The following HS3ST2 variants were observed in gnomAD, a reference collection of about 807,000 sequenced individuals.
HS3ST2 encodes the protein heparan sulfate glucosamine 3-O-sulfotransferase 2.
A neutral mutation model predicts 26.3 loss-of-function variants in HS3ST2; 17 were observed. The ratio of observed to expected loss-of-function variants is 0.65; its 90% confidence interval spans 0.44 to 0.97. HS3ST2 has a LOEUF of 0.97. Ranked by LOEUF, HS3ST2 falls within the 50% of genes least tolerant of loss-of-function variation. The pLI is 0.00. For synonymous variants in HS3ST2, 237 were observed against 219.2 expected (o/e 1.08, Z -0.72); for missense variants, 402 against 501.2 (o/e 0.80, Z 1.89).
intron 1 of HS3ST2, among the ~76,000 whole-genome samples, chr16:22,847,782 GGAA>G (rs1445216026): frequency 6.9e-5 from 10 of 144,678 alleles, no homozygotes; most frequent in African/African-American, 1.3e-4. Flanking sequence ...AAGAGAAAGA[GGAA>G]GAAGAATAAG....
chr16:22,865,188 G>GA (rs199730067), intron 1 of HS3ST2, among the ~76,000 whole-genome samples: 2,277 of 151,782 alleles, frequency 0.015, 21 homozygotes, highest in Non-Finnish European at 0.025. Context: ...TAGTTTTCTA[G>GA]AAAAAAATAT....
Position 22,843,329 on chromosome 16 carries a change from C to T in HS3ST2, c.485+28234C>T, listed in dbSNP as rs907592328. Among the ~76,000 whole-genome samples the T allele has an allele frequency of 3.1e-4, 47 of 152,110 alleles. 1 individual carries two copies. Among genetic ancestry groups the T allele is most frequent in the African/African-American group, 1.1e-3 (44 of 41,420 alleles). Reference sequence around the variant, plus strand: ...TGACTGTCCTCTAATTCAATTCTGACATTATCTACCCAGAAACAGCGTCAG... The same window carrying T: ...TGACTGTCCTCTAATTCAATTCTGATATTATCTACCCAGAAACAGCGTCAG... On this transcript the variant is annotated intron_variant, in intron 1 of 1. Transcript: ENST00000261374.
At chr16:22,834,657 G>GT in intron 1 of HS3ST2, among the ~76,000 whole-genome samples, 1 of 132,686 alleles carries the variant, frequency 7.5e-6, no homozygotes, top group Non-Finnish European at 1.7e-5. Flanking sequence ...GAATTTTGGG[G>GT]TTTGTGGGTA....
intron 1 of HS3ST2, among the ~76,000 whole-genome samples, chr16:22,834,707 C>T (rs1901226583): frequency 8.1e-6 from 1 of 123,754 alleles, no homozygotes; most frequent in African/African-American, 2.8e-5. Flanking sequence ...ATACAAATTA[C>T]CAAGTTTTCC....
intron 1 of HS3ST2, among the ~76,000 whole-genome samples, chr16:22,895,177 C>T (rs1409383947): frequency 6.6e-6 from 1 of 151,824 alleles, no homozygotes; most frequent in African/African-American, 2.4e-5. Flanking sequence ...GCAACCTCCA[C>T]CTCCTGAGTT....
chr16:22,884,758 T>C (rs890257441), intron 1 of HS3ST2, among the ~76,000 whole-genome samples: 2 of 149,560 alleles, frequency 1.3e-5, no homozygotes, highest in Non-Finnish European at 3.0e-5. Context: ...TAGACATCTA[T>C]CTTGACCATC....
intron 1 of HS3ST2, among the ~76,000 whole-genome samples, chr16:22,825,499 T>C (rs1273436703): frequency 6.6e-6 from 1 of 152,040 alleles, no homozygotes; most frequent in Non-Finnish European, 1.5e-5. Flanking sequence ...ATATTAGAGA[T>C]ACAAGGAGAG....
intron 1 of HS3ST2, among the ~76,000 whole-genome samples, chr16:22,849,076 G>C (rs187911607): frequency 1.3e-5 from 2 of 152,034 alleles, no homozygotes; most frequent in Non-Finnish European, 2.9e-5. Flanking sequence ...CTTGTTTTTC[G>C]CATCTAAGAA....
At chr16:22,910,405 A>G (rs1471247183) in intron 1 of HS3ST2, among the ~76,000 whole-genome samples, 1 of 152,208 alleles carries the variant, frequency 6.6e-6, no homozygotes, top group Non-Finnish European at 1.5e-5. Context: ...TGTTACACTT[A>G]TGTAATTTCA....
At chr16:22,824,404 G>T (rs777572139) in intron 1 of HS3ST2, among the ~76,000 whole-genome samples, 2 of 152,078 alleles carry the variant, frequency 1.3e-5, no homozygotes, top group South Asian at 2.1e-4. Context: ...AAAATTAGCC[G>T]GGCGTGGTGG....
At position 22,814,815 on chromosome 16, in the gene HS3ST2, A is replaced by C; in HGVS notation, c.205A>C (p.Lys69Gln). 1 of 1,581,920 alleles carries C rather than the reference A, an allele frequency of 6.3e-7. No homozygotes were observed. The highest frequency in any genetic ancestry group is 8.6e-7 in the Non-Finnish European group (1 of 1,165,222). The change falls in exon 1 of 2, where the codon AAG (lysine) becomes CAG (glutamine). Residue 69 changes from lysine (K) to glutamine (Q), a missense_variant. Physicochemically the swap from Lys to Gln is moderately conservative, Grantham distance 53. Coordinates refer to ENST00000261374, the MANE Select transcript of HS3ST2 (RefSeq NM_006043.2). The part of the protein sequence containing the change: ...PSAGGQKLLQ[K>Q]SRPCDPSGPT... Reference sequence around the variant, plus strand: ...CGCGGGCGGCCAGAAACTTCTCCAGAAGTCCCGCCCCTGTGATCCCTCCGG... The same window carrying C: ...CGCGGGCGGCCAGAAACTTCTCCAGCAGTCCCGCCCCTGTGATCCCTCCGG...
At chr16:22,835,718 AGTTACTCAG>A (rs1901245108) in intron 1 of HS3ST2, among the ~76,000 whole-genome samples, 1 of 152,222 alleles carries the variant, frequency 6.6e-6, no homozygotes, top group Non-Finnish European at 1.5e-5. Context: ...TGCAGCTGTC[AGTTACTCAG>A]GTAAAAGATA....
intron 1 of HS3ST2, among the ~76,000 whole-genome samples, chr16:22,837,483 A>ATGTG (rs111354737): frequency 0.15 from 22,384 of 144,856 alleles, 1,947 homozygotes; most frequent in East Asian, 0.21. Flanking sequence ...TTTTTTTCCT[A>ATGTG]TGTGTGTGTG....
At chr16:22,912,944 T>C (rs1036586240) in intron 1 of HS3ST2, among the ~76,000 whole-genome samples, 1 of 152,028 alleles carries the variant, frequency 6.6e-6, no homozygotes, top group African/African-American at 2.4e-5. Flanking sequence ...CTCCGGAGTC[T>C]AGACCCGCCT....
intron 1 of HS3ST2, 104 bp from the exon 2 acceptor site, chr16:22,914,840 G>A (rs1902471705): frequency 1.1e-5 from 12 of 1,134,534 alleles, no homozygotes. Context: ...CAGAGGCCAG[G>A]AGGAGGATGC....
intron 1 of HS3ST2, among the ~76,000 whole-genome samples, chr16:22,817,482 A>G (rs753658397): frequency 6.6e-6 from 1 of 152,214 alleles, no homozygotes; most frequent in Non-Finnish European, 1.5e-5. Flanking sequence ...ATCTTTCTGT[A>G]TGTAAAGAAC....
At chr16:22,889,950 CT>C (rs1314628679) in intron 1 of HS3ST2, among the ~76,000 whole-genome samples, 2 of 152,110 alleles carry the variant, frequency 1.3e-5, no homozygotes, top group Non-Finnish European at 2.9e-5. Flanking sequence ...AAATTATTGC[CT>C]TTTCAGCAGT....
intron 1 of HS3ST2, among the ~76,000 whole-genome samples, chr16:22,832,347 T>C (rs1039832897): frequency 6.6e-6 from 1 of 152,180 alleles, no homozygotes; most frequent in East Asian, 1.9e-4. Flanking sequence ...TCCCTGATTA[T>C]AGAACTCAGC....
intron 1 of HS3ST2, among the ~76,000 whole-genome samples, chr16:22,821,049 T>C (rs1021081125): frequency 6.6e-6 from 1 of 152,136 alleles, no homozygotes; most frequent in African/African-American, 2.4e-5. Flanking sequence ...CCCTGCTTCA[T>C]CTCTGTAGCC....
Sources: gnomAD v4.1 joint callset for allele counts (sites outside exome capture counted in the v4.1 genomes callset) on GRCh38, gnomAD v4.1.1 for gene constraint, MANE v1.5 for transcripts, NCBI Gene and HGNC (gene_info 2026-07-23, HGNC 2026-07-21) for gene names.